Variants in EXD3 observed in about 807,000 individuals in gnomAD.
EXD3 encodes exonuclease mut-7 homolog.
EXD3 carries 92 observed loss-of-function variants against 98.0 expected under a neutral mutation model. The observed-to-expected ratio is 0.94, with a 90% CI of 0.79 to 1.12. The LOEUF (loss-of-function observed/expected upper bound fraction) is 1.12, where lower values mean the gene tolerates loss of function less well. EXD3 is among the 50% of genes most tolerant of loss of function. EXD3 has a pLI of 0.00. For synonymous variants in EXD3, 569 were observed against 526.0 expected (o/e 1.08, Z -1.12); for missense variants, 1,222 against 1,191.6 (o/e 1.03, Z -0.38).
Position 137,307,686 on chromosome 9 carries a change from G to A in EXD3, c.2279-40C>T, listed in dbSNP as rs753569620. ...AGAGAGCTGGTCCGGGACTGTCCTA[G>A]GGATGGGGCTTGGCAGCCAGCGGGG... On this transcript the variant is annotated intron_variant, in intron 20 of 21. Coordinates refer to ENST00000340951, the MANE Select transcript of EXD3 (RefSeq NM_017820.5). The A allele has an allele frequency of 9.4e-6, 15 of 1,604,102 alleles. No individual in the cohort carries two copies. In the East Asian group the frequency reaches 3.1e-4, roughly 33 times the overall value.
At chr9:137,352,471 T>C in intron 11 of EXD3, 149 bp downstream of exon 11, 1 of 952,702 alleles carries the variant, frequency 1.0e-6, no homozygotes, top group African/African-American at 1.7e-5. Context: ...TGCTGTCTTG[T>C]CTGCTCTGTG....
chr9:137,318,641 G>A (rs1486333247), intron 19 of EXD3, among the ~76,000 whole-genome samples: 3 of 150,168 alleles, frequency 2.0e-5, no homozygotes, highest in African/African-American at 4.9e-5. Flanking sequence ...CAGAGGGCAC[G>A]GCCCTGCCCT....
intron 2 of EXD3, among the ~76,000 whole-genome samples, chr9:137,394,944 C>T (rs966047460): frequency 1.6e-4 from 25 of 152,114 alleles, no homozygotes; most frequent in African/African-American, 6.0e-4. Flanking sequence ...GTTCCGGGCC[C>T]TCCGCCTGGC....
intron 1 of EXD3, among the ~76,000 whole-genome samples, chr9:137,409,411 T>C (rs7851109): frequency 0.011 from 1,737 of 152,348 alleles, 36 homozygotes; most frequent in African/African-American, 0.04. Flanking sequence ...TTTTAGATAT[T>C]GTGTTTTAAG....
chr9:137,326,910 G>A (rs994202206), intron 17 of EXD3, among the ~76,000 whole-genome samples: 3 of 151,672 alleles, frequency 2.0e-5, no homozygotes, highest in Non-Finnish European at 4.4e-5. Flanking sequence ...AGTGTTCGTA[G>A]CAGCCACATT....
chr9:137,404,235 T>TGG (rs1332899791), intron 1 of EXD3, among the ~76,000 whole-genome samples: 1 of 152,134 alleles, frequency 6.6e-6, no homozygotes, highest in Non-Finnish European at 1.5e-5. Flanking sequence ...CATGGGAATT[T>TGG]GGGGGGAAAC....
At chr9:137,315,389 C>T (rs913567251) in intron 19 of EXD3, among the ~76,000 whole-genome samples, 3 of 152,258 alleles carry the variant, frequency 2.0e-5, no homozygotes, top group Non-Finnish European at 4.4e-5. Flanking sequence ...CCACCGCCAC[C>T]GCCGGAGAGA....
At chr9:137,338,067 G>A (rs1053355167) in intron 17 of EXD3, among the ~76,000 whole-genome samples, 4 of 152,154 alleles carry the variant, frequency 2.6e-5, no homozygotes, top group East Asian at 1.9e-4. Flanking sequence ...GATTACAGGC[G>A]TGAGCCACTG....
At chr9:137,381,586 C>T (rs1163006340) in intron 3 of EXD3, among the ~76,000 whole-genome samples, 1 of 152,166 alleles carries the variant, frequency 6.6e-6, no homozygotes, top group Non-Finnish European at 1.5e-5. Flanking sequence ...TCCCAGGCTG[C>T]TCTCACCCGC....
intron 19 of EXD3, among the ~76,000 whole-genome samples, chr9:137,317,011 T>G (rs376296310): frequency 6.6e-6 from 1 of 151,970 alleles, no homozygotes; most frequent in East Asian, 1.9e-4. Flanking sequence ...TCATGAGGCA[T>G]AGGGGTGCAG....
intron 5 of EXD3, among the ~76,000 whole-genome samples, chr9:137,368,777 A>T (rs1835413967): frequency 1.4e-5 from 2 of 148,068 alleles, no homozygotes; most frequent in South Asian, 4.4e-4. Context: ...CGCAGCGCTG[A>T]CCCGGCGCCT....
At chr9:137,308,798 G>A (rs999497141) in intron 20 of EXD3, among the ~76,000 whole-genome samples, 3 of 151,950 alleles carry the variant, frequency 2.0e-5, no homozygotes, top group Non-Finnish European at 4.4e-5. Context: ...CACCACACCC[G>A]GCTAATTTTT....
At chr9:137,370,680 GC>G (rs1835544933) in intron 5 of EXD3, among the ~76,000 whole-genome samples, 1 of 151,654 alleles carries the variant, frequency 6.6e-6, no homozygotes, top group African/African-American at 2.4e-5. Context: ...GCTCCCCTGG[GC>G]CCCCCATTCT....
chr9:137,355,464 A>T (rs1412869231), intron 8 of EXD3, among the ~76,000 whole-genome samples: 70 of 27,836 alleles, frequency 2.5e-3, no homozygotes, highest in African/African-American at 8.4e-3. Flanking sequence ...GGAAGGAGAA[A>T]GGAGGAAGGA....
chr9:137,416,840 A>G (rs2131840309), intron 1 of EXD3, among the ~76,000 whole-genome samples: 1 of 152,332 alleles, frequency 6.6e-6, no homozygotes, highest in African/African-American at 2.4e-5. Flanking sequence ...CGCCCCGGGC[A>G]GGAGCCGCTC....
chr9:137,372,974 C>A lies in EXD3; in HGVS notation c.393G>T (p.Leu131=), dbSNP rs765789477. ...LAAPLASIFQ[L]QDADRSCLLA... The stretch of plus-strand genomic sequence containing the variant: ...GCAGGCAGCTCCTGTCTGCATCCTG[C>A]AGCTGGAAGATGCTGGCCAGTGGTG... Residue 131 remains leucine, a synonymous_variant, in exon 5 of 22, where the codon CTG becomes CTT. Transcript: ENST00000340951. 1.9e-6 allele frequency: 3 copies of A among 1,604,122 alleles called. No individual in the cohort carries two copies. Among genetic ancestry groups the A allele is most frequent in the East Asian group, 4.5e-5 (2 of 44,876 alleles).
chr9:137,422,987 G>C (rs1267770674), intron 1 of EXD3, 127 bp downstream of exon 1: 4 of 152,134 alleles, frequency 2.6e-5, no homozygotes, highest in Middle Eastern at 3.4e-3. Flanking sequence ...CCCCGGGAGA[G>C]CCGGCGGCCC....
In EXD3 at chr9:137,368,018, C is replaced by G. The variant is rs758139773; in HGVS notation, c.463-29G>C. ...GCAAACACAAAGGCGGCAGATTACT[C>G]AGGGCCTGGGAGGGGCCAGGCAGCA... On this transcript the variant is annotated intron_variant, in intron 5 of 21. Transcript: ENST00000340951. 5 of 1,599,348 alleles carry G rather than the reference C, an allele frequency of 3.1e-6. No individual in the cohort carries two copies. The South Asian group carries it at 5.5e-5, about 18-fold the overall frequency.
chr9:137,388,576 G>A (rs1451928168), intron 2 of EXD3, among the ~76,000 whole-genome samples: 1 of 152,142 alleles, frequency 6.6e-6, no homozygotes, highest in African/African-American at 2.4e-5. Flanking sequence ...CAGGGTTGGG[G>A]GCACAGAAGC....
Sources: allele counts gnomAD v4.1 joint callset (sites outside exome capture counted in the v4.1 genomes callset), GRCh38; gene constraint gnomAD v4.1.1; transcripts MANE v1.5; gene names NCBI Gene and HGNC (gene_info 2026-07-23, HGNC 2026-07-21).